Variants in OPCML observed in about 807,000 individuals in gnomAD.
OPCML encodes the protein opioid binding protein/cell adhesion molecule like.
In OPCML, 13 loss-of-function variants were observed where a neutral mutation model predicts 37.8. The ratio of observed to expected loss-of-function variants is 0.34; its 90% CI spans 0.22 to 0.55. OPCML has a LOEUF of 0.55. Ranked by LOEUF, OPCML falls within the 20% of genes least tolerant of loss-of-function variation. The pLI is 0.91. For missense variants in OPCML, 341 were observed against 435.6 expected (o/e 0.78, Z 1.93); for synonymous variants, 176 against 168.8 (o/e 1.04, Z -0.33).
chr11:132,969,888 A>C (rs895649387), intron 1 of OPCML, among the ~76,000 whole-genome samples: 2 of 152,140 alleles, frequency 1.3e-5, no homozygotes, highest in African/African-American at 4.8e-5. Context: ...GTCTGTTTGA[A>C]GTCTTTGTTA....
At chr11:133,232,165 C>T (rs1000524998) in intron 1 of OPCML, among the ~76,000 whole-genome samples, 3 of 152,036 alleles carry the variant, frequency 2.0e-5, no homozygotes, top group Non-Finnish European at 4.4e-5. Flanking sequence ...GCTTTGTGAA[C>T]CCAGCCCCAG....
chr11:133,291,544 A>G (rs966577862), intron 1 of OPCML, among the ~76,000 whole-genome samples: 3 of 152,194 alleles, frequency 2.0e-5, no homozygotes, highest in Non-Finnish European at 4.4e-5. Context: ...GGCAGCTGAC[A>G]TGGTTGCAGG....
At chr11:132,455,803 G>A (rs1048142137) in intron 4 of OPCML, among the ~76,000 whole-genome samples, 2 of 127,870 alleles carry the variant, frequency 1.6e-5, no homozygotes, top group African/African-American at 6.0e-5. Flanking sequence ...TCATTCATAT[G>A]TAAGGCATAA....
At chr11:132,780,262 C>A (rs888262186) in intron 2 of OPCML, among the ~76,000 whole-genome samples, 1 of 152,204 alleles carries the variant, frequency 6.6e-6, no homozygotes, top group Non-Finnish European at 1.5e-5. Context: ...CTGCTCCACA[C>A]TGTACGTGAG....
chr11:133,188,940 A>G (rs1407611763), intron 1 of OPCML, among the ~76,000 whole-genome samples: 1 of 152,138 alleles, frequency 6.6e-6, no homozygotes, highest in Non-Finnish European at 1.5e-5. Flanking sequence ...TAGCCAGGTG[A>G]TATCACCACT....
At chr11:132,688,510 G>T (rs1196007963) in intron 2 of OPCML, among the ~76,000 whole-genome samples, 1 of 152,064 alleles carries the variant, frequency 6.6e-6, no homozygotes, top group Non-Finnish European at 1.5e-5. Context: ...CCAATTAAAG[G>T]CTGTAATTTA....
chr11:133,143,667 A>G (rs1949857321), intron 1 of OPCML, among the ~76,000 whole-genome samples: 1 of 152,230 alleles, frequency 6.6e-6, no homozygotes, highest in South Asian at 2.1e-4. Context: ...ACTGAGATAA[A>G]GGAGGCATGA....
At chr11:133,007,562 C>G in intron 1 of OPCML, 9 of 985,412 alleles carry the variant, frequency 9.1e-6, no homozygotes, top group Non-Finnish European at 1.1e-5. Flanking sequence ...GGTGTTTGAG[C>G]CTTCAGAGGT....
intron 1 of OPCML, among the ~76,000 whole-genome samples, chr11:133,406,800 C>G (rs1021027992): frequency 6.6e-6 from 1 of 152,180 alleles, no homozygotes; most frequent in Admixed American, 6.5e-5. Context: ...GCACAGTGAG[C>G]AGGCCATCCG....
chr11:133,476,202 C>T (rs567125687), intron 1 of OPCML, among the ~76,000 whole-genome samples: 1 of 152,282 alleles, frequency 6.6e-6, no homozygotes, highest in Non-Finnish European at 1.5e-5. Context: ...CCTCTGGGGA[C>T]TTACAGCTAC....
chr11:132,731,991 G>T lies in OPCML; in HGVS notation c.147-74672C>A, dbSNP rs1945094274. Among the ~76,000 whole-genome samples, 2 of 152,124 alleles carry T rather than the reference G, an allele frequency of 1.3e-5. 1 individual carries two copies. The highest frequency in any genetic ancestry group is 4.1e-4 in the South Asian group (2 of 4,830). Reference sequence around the variant, plus strand: ...GTACTAAGAGAATGGATTTGAGTTTGCTGACAGCATGAGGAATTATGCATG... The same window carrying T: ...GTACTAAGAGAATGGATTTGAGTTTTCTGACAGCATGAGGAATTATGCATG... On this transcript the variant is annotated intron_variant, in intron 2 of 7. Coordinates refer to ENST00000524381, the MANE Select transcript of OPCML (RefSeq NM_001012393.5).
intron 2 of OPCML, among the ~76,000 whole-genome samples, chr11:132,807,248 G>T (rs549727613): frequency 1.3e-5 from 2 of 151,998 alleles, no homozygotes; most frequent in South Asian, 2.1e-4. Flanking sequence ...TTGGAAATAC[G>T]AATACAATTT....
chr11:133,194,823 G>A (rs1016957919), intron 1 of OPCML, among the ~76,000 whole-genome samples: 4 of 152,090 alleles, frequency 2.6e-5, no homozygotes, highest in African/African-American at 9.7e-5. Context: ...GGACACATAC[G>A]TAATGCCCCT....
intron 2 of OPCML, among the ~76,000 whole-genome samples, chr11:132,691,240 C>T (rs1004857271): frequency 3.3e-5 from 5 of 152,194 alleles, no homozygotes; most frequent in African/African-American, 1.2e-4. Flanking sequence ...TGAATGGATG[C>T]ATTCAATGGC....
intron 1 of OPCML, among the ~76,000 whole-genome samples, chr11:133,416,630 C>T (rs977119284): frequency 1.3e-5 from 2 of 152,218 alleles, no homozygotes; most frequent in Non-Finnish European, 2.9e-5. Flanking sequence ...CTCTCTCTCT[C>T]TTCTACCTAC....
intron 1 of OPCML, among the ~76,000 whole-genome samples, chr11:132,996,388 G>A (rs562041183): frequency 1.3e-5 from 2 of 151,284 alleles, no homozygotes; most frequent in Non-Finnish European, 2.9e-5. Flanking sequence ...GGGGGACCGA[G>A]ATGGGCAGAT....
At position 132,522,457 on chromosome 11, in the gene OPCML, A is replaced by C. The variant is rs542706618; in HGVS notation, c.505+6604T>G. ...AAACAGGGCTGGGCATGCAGTATGC[A>C]CTCATCATAATACCATCATAACAAG... On this transcript the variant is annotated intron_variant, in intron 4 of 7. Transcript: ENST00000524381. 1.6e-4 allele frequency among the ~76,000 whole-genome samples: 24 copies of C among 152,328 alleles called. No homozygotes were observed. In the East Asian group the frequency reaches 4.4e-3, roughly 28 times the overall value.
intron 2 of OPCML, among the ~76,000 whole-genome samples, chr11:132,876,656 A>C (rs1202988704): frequency 6.6e-6 from 1 of 152,148 alleles, no homozygotes; most frequent in East Asian, 1.9e-4. Context: ...TCTAATATAA[A>C]TGTCCCAATG....
At chr11:132,919,018 A>G (rs74864702) in intron 2 of OPCML, among the ~76,000 whole-genome samples, 16,671 of 152,140 alleles carry the variant, frequency 0.11, 3,052 homozygotes, top group African/African-American at 0.38. Flanking sequence ...GAAACATGAG[A>G]TGTGGCAAGA....
Sources: allele counts gnomAD v4.1 joint callset (sites outside exome capture counted in the v4.1 genomes callset), GRCh38; gene constraint gnomAD v4.1.1; transcripts MANE v1.5; gene names NCBI Gene and HGNC (gene_info 2026-07-23, HGNC 2026-07-21).